RALYL: variants seen among roughly 807,000 people sequenced by gnomAD.
The protein encoded by RALYL is RALY RNA binding protein like, also known as RNA-binding Raly-like protein.
A neutral mutation model predicts 35.1 loss-of-function variants in RALYL; 29 were observed. That is an observed-to-expected ratio of 0.83 (90% CI 0.61 to 1.13). The LOEUF (loss-of-function observed/expected upper bound fraction) is 1.13. Ranked by LOEUF, RALYL falls within the 50% of genes most tolerant of loss-of-function variation. RALYL has a pLI of 0.00. For synonymous variants in RALYL, 120 were observed against 127.6 expected (o/e 0.94, Z 0.40); for missense variants, 359 against 360.4 (o/e 1.00, Z 0.03).
rs369117136 is a variant in RALYL at position 84,790,439 on chromosome 8, T to G, written c.333-14331T>G. ...GAAGCCTGGAGGGATGACTTACCTC[T>G]TAGCTTCTATGAACAGAGTTTGCCC... On this transcript the variant is annotated intron_variant, in intron 3 of 8. Transcript: ENST00000521268. Among the ~76,000 whole-genome samples the G allele has an allele frequency of 1.1e-4, 16 of 152,336 alleles. 1 individual carries two copies. The East Asian group carries it at 2.9e-3, about 28-fold the overall frequency.
At chr8:84,701,704 C>G (rs985583325) in intron 2 of RALYL, among the ~76,000 whole-genome samples, 3 of 152,134 alleles carry the variant, frequency 2.0e-5, no homozygotes, top group African/African-American at 7.2e-5. Flanking sequence ...TGCTGCAGAG[C>G]TGAGAAGGCC....
intron 1 of RALYL, among the ~76,000 whole-genome samples, chr8:84,303,495 T>A (rs1841207059): frequency 6.6e-6 from 1 of 152,192 alleles, no homozygotes; most frequent in African/African-American, 2.4e-5. Context: ...TTATCAGAGG[T>A]ACTATTGACT....
chr8:84,591,860 T>C (rs1363017317), intron 2 of RALYL, among the ~76,000 whole-genome samples: 2 of 152,204 alleles, frequency 1.3e-5, no homozygotes, highest in African/African-American at 4.8e-5. Context: ...TACCTTTAGT[T>C]AAATAATCTG....
At chr8:84,198,099 G>A (rs957107490) in intron 1 of RALYL, among the ~76,000 whole-genome samples, 1 of 152,078 alleles carries the variant, frequency 6.6e-6, no homozygotes, top group African/African-American at 2.4e-5. Context: ...GATGTAGGTA[G>A]AAACTGAAAA....
At chr8:84,207,361 A>G (rs1174714282) in intron 1 of RALYL, among the ~76,000 whole-genome samples, 1 of 152,056 alleles carries the variant, frequency 6.6e-6, no homozygotes, top group African/African-American at 2.4e-5. Context: ...ACATTGTTAT[A>G]TATCAATGAA....
intron 1 of RALYL, among the ~76,000 whole-genome samples, chr8:84,494,318 A>T (rs1161280438): frequency 6.6e-6 from 1 of 152,060 alleles, no homozygotes; most frequent in African/African-American, 2.4e-5. Flanking sequence ...CTTGTAGTAT[A>T]GTTTGAAGTC....
chr8:84,223,809 A>G (rs1469390618), intron 1 of RALYL, among the ~76,000 whole-genome samples: 1 of 152,218 alleles, frequency 6.6e-6, no homozygotes, highest in Non-Finnish European at 1.5e-5. Flanking sequence ...GAATGAGTAA[A>G]TGAATGTGTG....
At chr8:84,429,175 G>A (rs768097634) in intron 1 of RALYL, among the ~76,000 whole-genome samples, 9 of 152,142 alleles carry the variant, frequency 5.9e-5, no homozygotes, top group Non-Finnish European at 1.2e-4. Flanking sequence ...GCTTACAAAA[G>A]CATGGTGTTG....
chr8:84,463,679 G>A (rs1218354972), intron 1 of RALYL, among the ~76,000 whole-genome samples: 1 of 151,944 alleles, frequency 6.6e-6, no homozygotes, highest in Non-Finnish European at 1.5e-5. Flanking sequence ...TGATAACAAT[G>A]CTTGCCTTTT....
At chr8:84,386,297 G>T (rs1253912608) in intron 1 of RALYL, among the ~76,000 whole-genome samples, 1 of 151,670 alleles carries the variant, frequency 6.6e-6, no homozygotes, top group Admixed American at 6.6e-5. Context: ...ATTTATATTA[G>T]AAATAGATAT....
chr8:84,783,859 A>G (rs1313176696), intron 3 of RALYL, among the ~76,000 whole-genome samples: 1 of 152,196 alleles, frequency 6.6e-6, no homozygotes, highest in Admixed American at 6.5e-5. Context: ...TTTAATTTGT[A>G]TTTGTCCTTG....
chr8:84,354,429 A>C (rs1851463813), intron 1 of RALYL, among the ~76,000 whole-genome samples: 1 of 150,318 alleles, frequency 6.7e-6, no homozygotes, highest in Non-Finnish European at 1.5e-5. Context: ...CATACACCAC[A>C]AAGTAAAACT....
Position 84,592,122 on chromosome 8 carries a change from G to T in RALYL, c.256+62545G>T, listed in dbSNP as rs979478822. Among the ~76,000 whole-genome samples, 9 of 152,068 alleles carry T rather than the reference G, an allele frequency of 5.9e-5. No individual in the cohort carries two copies. In the East Asian group the frequency reaches 1.7e-3, roughly 29 times the overall value. ...TGGGTGACTTAACAGAAAAAGAAAAGCAAGGACAATCTACATAACCCATAA... is the reference window on the plus strand; with the variant it reads ...TGGGTGACTTAACAGAAAAAGAAAATCAAGGACAATCTACATAACCCATAA... On this transcript the variant is annotated intron_variant, in intron 2 of 8. Transcript: ENST00000521268.
At chr8:84,745,000 C>T (rs142220053) in intron 2 of RALYL, among the ~76,000 whole-genome samples, 1 of 151,816 alleles carries the variant, frequency 6.6e-6, no homozygotes, top group East Asian at 1.9e-4. Context: ...ATTAGTTGAG[C>T]ACAAAACACT....
chr8:84,401,573 G>T (rs1056914535), intron 1 of RALYL, among the ~76,000 whole-genome samples: 2 of 142,184 alleles, frequency 1.4e-5, no homozygotes, highest in Non-Finnish European at 3.0e-5. Flanking sequence ...GGGAGGCGGA[G>T]CTTGCAGTGA....
intron 2 of RALYL, among the ~76,000 whole-genome samples, chr8:84,717,468 A>C (rs1004004856): frequency 6.7e-6 from 1 of 150,024 alleles, no homozygotes; most frequent in Non-Finnish European, 1.5e-5. Flanking sequence ...TTCAAGCCAA[A>C]TTAACAGTCT....
chr8:84,540,284 T>C (rs2059934776), intron 2 of RALYL, among the ~76,000 whole-genome samples: 1 of 151,550 alleles, frequency 6.6e-6, no homozygotes, highest in African/African-American at 2.4e-5. Flanking sequence ...AACCTGTTAA[T>C]ATTTTGTTAT....
intron 1 of RALYL, among the ~76,000 whole-genome samples, chr8:84,451,789 A>G (rs1047075225): frequency 3.3e-5 from 5 of 152,044 alleles, no homozygotes; most frequent in African/African-American, 1.2e-4. Flanking sequence ...CTTATGGCTA[A>G]GAGTTTATAC....
At position 84,308,501 on chromosome 8, in the gene RALYL, C is replaced by T. The variant is rs527409209; in HGVS notation, c.-24+124077C>T. Among the ~76,000 whole-genome samples the T allele has an allele frequency of 1.7e-4, 26 of 152,172 alleles. No homozygotes were observed. In the South Asian group the frequency reaches 4.8e-3, roughly 28 times the overall value. On this transcript the variant is annotated intron_variant, in intron 1 of 8. Coordinates refer to ENST00000521268, the MANE Select transcript of RALYL (RefSeq NM_173848.7). ...AATGACCCACAAACAGATTTTTGACCACAGATATCCAGTCATGCCACCTTG... is the reference window on the plus strand; with the variant it reads ...AATGACCCACAAACAGATTTTTGACTACAGATATCCAGTCATGCCACCTTG...
Sources: gnomAD v4.1 joint callset for allele counts (sites outside exome capture counted in the v4.1 genomes callset) on GRCh38, gnomAD v4.1.1 for gene constraint, MANE v1.5 for transcripts, NCBI Gene and HGNC (gene_info 2026-07-23, HGNC 2026-07-21) for gene names.